COL6A6: variants seen among roughly 807,000 people sequenced by gnomAD.
The protein encoded by COL6A6 is collagen type VI alpha 6 chain, also known as collagen alpha-6(VI) chain.
Under a neutral mutation model 208.6 loss-of-function variants are expected in COL6A6, and 183 were observed. The observed-to-expected ratio is 0.88, with a 90% CI of 0.78 to 0.99. The LOEUF is 0.99. Ranked by LOEUF, COL6A6 falls within the 50% of genes least tolerant of loss-of-function variation. The pLI is 0.00. For missense variants in COL6A6, 2,816 were observed against 2,815.2 expected, an observed-to-expected ratio of 1.00 and a Z score of -0.01; for synonymous variants, 973 against 1,011.8, an observed-to-expected ratio of 0.96 and a Z score of 0.73.
At chr3:130,572,847 A>C (rs2063198731) in intron 7 of COL6A6, among the ~76,000 whole-genome samples, 1 of 152,214 alleles carries the variant, frequency 6.6e-6, no homozygotes, top group African/African-American at 2.4e-5. Context: ...TTCTGAGGCT[A>C]TGATGAGAAC....
chr3:130,562,698 C>T (rs1319370112), intron 2 of COL6A6, among the ~76,000 whole-genome samples: 1 of 151,688 alleles, frequency 6.6e-6, no homozygotes. Flanking sequence ...ATTCCAAAAG[C>T]CAAAAAAACT....
chr3:130,560,516 G>A (rs2062859115), intron 2 of COL6A6, 88 bp downstream of exon 2: 2 of 1,170,922 alleles, frequency 1.7e-6, no homozygotes, highest in Admixed American at 2.3e-5. Flanking sequence ...TACAAGTTTT[G>A]TATCACTTTG....
At chr3:130,588,960 A>T in intron 11 of COL6A6, 130 bp from the exon 12 acceptor site, 1 of 553,750 alleles carries the variant, frequency 1.8e-6, no homozygotes, top group Non-Finnish European at 3.1e-6. Context: ...TTCTTTCTAA[A>T]GCACAGTCAT....
At chr3:130,572,083 C>A (rs1018418508) in intron 7 of COL6A6, among the ~76,000 whole-genome samples, 1 of 152,038 alleles carries the variant, frequency 6.6e-6, no homozygotes, top group Admixed American at 6.5e-5. Flanking sequence ...AACAAATTCT[C>A]CTCCTAAGAA....
intron 1 of COL6A6, among the ~76,000 whole-genome samples, chr3:130,552,295 C>G (rs1282866359): frequency 1.3e-5 from 2 of 152,186 alleles, no homozygotes; most frequent in Admixed American, 6.5e-5. Context: ...TCTCTGGGAA[C>G]TTGCTTAGTG....
chr3:130,626,671 A>T, intron 25 of COL6A6, 124 bp downstream of exon 25: 1 of 696,378 alleles, frequency 1.4e-6, no homozygotes, highest in East Asian at 2.6e-5. Flanking sequence ...AGTTTTATAG[A>T]AATTAGGAGG....
chr3:130,575,213 C>T lies in COL6A6; in HGVS notation c.3547+688C>T, dbSNP rs191910571. ...AGACAGACAGCCTGACAGCAGATCC[C>T]TGCTCTATGGCCATTTTTTTCCGGG... On this transcript the variant is annotated intron_variant, in intron 8 of 36. Transcript: ENST00000358511. Among the ~76,000 whole-genome samples, 7 of 152,322 alleles carry T rather than the reference C, an allele frequency of 4.6e-5. No homozygotes were observed. The East Asian group carries it at 1.3e-3, about 29-fold the overall frequency.
At chr3:130,635,879 T>G in intron 28 of COL6A6, 118 bp downstream of exon 28, 1 of 736,654 alleles carries the variant, frequency 1.4e-6, no homozygotes, top group Non-Finnish European at 2.3e-6. Context: ...TGCATGTGTT[T>G]TCTATTAAGG....
intron 29 of COL6A6, among the ~76,000 whole-genome samples, chr3:130,641,998 TTCTA>T (rs1007664994): frequency 7.2e-5 from 11 of 152,202 alleles, no homozygotes; most frequent in African/African-American, 2.2e-4. Context: ...TGTTCAATCT[TTCTA>T]TATGTAATAA....
In COL6A6 at chr3:130,676,157, TTCTTTAGACAAGGAGAG is replaced by T. The variant is rs2066353726; in HGVS notation, c.*763_*779del. ...TTATTAATTTTCACTAATCCATATATTCTTTAGACAAGGAGAGTCAAGAAACTACTTGTCATAGATGA... is the reference window on the plus strand; with the variant it reads ...TTATTAATTTTCACTAATCCATATATTCAAGAAACTACTTGTCATAGATGA... On this transcript the variant is annotated 3_prime_UTR_variant, in exon 37 of 37. Coordinates refer to ENST00000358511, the MANE Select transcript of COL6A6 (RefSeq NM_001102608.3). 6.6e-6 allele frequency: 1 copy of T among 152,236 alleles called. No individual in the cohort carries two copies. The highest frequency in any genetic ancestry group is 2.4e-5 in the African/African-American group (1 of 41,464). The allele number at this position is 152,236 out of a possible 1,614,324, so 9.4% of individuals were successfully genotyped here.
chr3:130,602,007 C>T (rs3925239), intron 20 of COL6A6, among the ~76,000 whole-genome samples: 5,440 of 152,176 alleles, frequency 0.036, 146 homozygotes, highest in Non-Finnish European at 0.053. Context: ...TTGAGTGGAG[C>T]AGGGAATATA....
intron 1 of COL6A6, among the ~76,000 whole-genome samples, chr3:130,526,098 A>G (rs2061955521): frequency 1.3e-5 from 2 of 152,324 alleles, no homozygotes; most frequent in Middle Eastern, 3.4e-3. Context: ...AATGACTTAT[A>G]GGTAGTATTC....
At chr3:130,528,240 AG>A (rs1290683025) in intron 1 of COL6A6, among the ~76,000 whole-genome samples, 1 of 152,168 alleles carries the variant, frequency 6.6e-6, no homozygotes, top group Non-Finnish European at 1.5e-5. Flanking sequence ...AGGAACAAAA[AG>A]GTTGCCAGAG....
intron 28 of COL6A6, among the ~76,000 whole-genome samples, chr3:130,641,000 C>T (rs1232222101): frequency 3.9e-5 from 6 of 152,130 alleles, no homozygotes; most frequent in Non-Finnish European, 5.9e-5. Context: ...AATAGCATTG[C>T]CTTATAATAG....
intron 19 of COL6A6, 80 bp downstream of exon 19, chr3:130,598,510 CA>C: frequency 2.1e-6 from 2 of 963,654 alleles, no homozygotes; most frequent in Non-Finnish European, 3.2e-6. Flanking sequence ...AAATGCTTAA[CA>C]AAAAAACTGG....
chr3:130,604,350 C>T (rs2064114730), intron 20 of COL6A6, among the ~76,000 whole-genome samples: 1 of 152,098 alleles, frequency 6.6e-6, no homozygotes, highest in Non-Finnish European at 1.5e-5. Context: ...AAAAAATTAG[C>T]CGGGCGTGGT....
intron 4 of COL6A6, 120 bp downstream of exon 4, chr3:130,565,734 C>G (rs2063004211): frequency 5.0e-6 from 6 of 1,205,782 alleles, no homozygotes; most frequent in Non-Finnish European, 6.7e-6. Flanking sequence ...GTTCCTAATT[C>G]TTTTACTTGA....
In COL6A6 at chr3:130,596,436, C is replaced by T. The variant is rs182819282; in HGVS notation, c.4534-1929C>T. Among the ~76,000 whole-genome samples the T allele has an allele frequency of 7.5e-4, 114 of 152,244 alleles. 1 individual carries two copies. Among genetic ancestry groups the T allele is most frequent in the Admixed American group, 7.5e-3 (114 of 15,282 alleles). ...TAAAGAGTCTGAATAATGTAAAGAG[C>T]TTTCTATTTTAAAAGAAATGCTCTA... is the stretch of plus-strand genomic sequence containing the variant. On this transcript the variant is annotated intron_variant, in intron 18 of 36. Coordinates refer to ENST00000358511, the MANE Select transcript of COL6A6 (RefSeq NM_001102608.3).
chr3:130,551,608 C>T (rs1031743655), intron 1 of COL6A6, among the ~76,000 whole-genome samples: 10 of 149,618 alleles, frequency 6.7e-5, no homozygotes, highest in African/African-American at 2.5e-4. Flanking sequence ...AAAGAACCAA[C>T]CCTGGATTTG....
Sources: gnomAD v4.1 joint callset for allele counts (sites outside exome capture counted in the v4.1 genomes callset) on GRCh38, gnomAD v4.1.1 for gene constraint, MANE v1.5 for transcripts, NCBI Gene and HGNC (gene_info 2026-07-23, HGNC 2026-07-21) for gene names.